The following BLOC1S2 variants were observed in gnomAD, a reference collection of about 807,000 sequenced individuals.
BLOC1S2 encodes biogenesis of lysosome-related organelles complex 1 subunit 2.
In BLOC1S2, 12 loss-of-function variants were observed where a neutral mutation model predicts 19.6. The observed-to-expected ratio is 0.61, with a 90% confidence interval of 0.39 to 0.99. BLOC1S2 has a LOEUF of 0.99. Among genes scored for constraint, BLOC1S2 ranks in the 50% least tolerant of loss-of-function variants. BLOC1S2 has a pLI of 0.00. For missense variants in BLOC1S2, 142 were observed against 171.0 expected (o/e 0.83, Z 0.95); for synonymous variants, 66 against 64.1 (o/e 1.03, Z -0.14).
chr10:100,279,740 G>A (rs894571722), intron 4 of BLOC1S2, among the ~76,000 whole-genome samples: 2 of 152,092 alleles, frequency 1.3e-5, no homozygotes, highest in South Asian at 2.1e-4. Flanking sequence ...AGCCAGGCGT[G>A]GTGGCGCGCC....
At chr10:100,280,322 A>G (rs1848072147) in intron 3 of BLOC1S2, 94 bp from the exon 4 acceptor site, 2 of 1,121,102 alleles carry the variant, frequency 1.8e-6, no homozygotes, top group Admixed American at 2.3e-5. Flanking sequence ...GTGTCTCTCC[A>G]GCTATGCTAA....
In BLOC1S2 at chr10:100,274,917, G is replaced by A. The variant is rs1015974132; in HGVS notation, c.*545C>T. On this transcript the variant is annotated 3_prime_UTR_variant, in exon 5 of 5. Transcript: ENST00000370372. ...CTGCTCAATCTAGAAGACTCAGCTT[G>A]GAATTATTTTAAGATTTTATGTTAT... is the stretch of plus-strand genomic sequence containing the variant. The A allele has an allele frequency of 2.5e-6, 1 of 398,358 alleles. No homozygotes were observed. Among genetic ancestry groups the A allele is most frequent in the African/African-American group, 2.1e-5 (1 of 48,686 alleles). The allele number at this position is 398,358 out of a possible 1,614,324, so 24.7% of individuals were successfully genotyped here. A position where few individuals can be genotyped will look rare whatever the true frequency, so the allele number is the denominator to read the frequency against.
chr10:100,280,843 A>G, intron 3 of BLOC1S2, 91 bp downstream of exon 3: 1 of 1,424,668 alleles, frequency 7.0e-7, no homozygotes, highest in Admixed American at 2.9e-5. Flanking sequence ...CCCACAAGAC[A>G]AGGATGTCAT....
At chr10:100,285,175 C>T (rs563301598) in intron 2 of BLOC1S2, among the ~76,000 whole-genome samples, 1 of 152,294 alleles carries the variant, frequency 6.6e-6, no homozygotes, top group South Asian at 2.1e-4. Context: ...ACAGTAATTT[C>T]CTGGGGAAGT....
In BLOC1S2 at chr10:100,274,547, T is replaced by C. The variant is rs532430368; in HGVS notation, c.*915A>G. The C allele has an allele frequency of 6.3e-6, 1 of 158,496 alleles. No homozygotes were observed. Among genetic ancestry groups the C allele is most frequent in the East Asian group, 1.8e-4 (1 of 5,522 alleles). The allele number at this position is 158,496 out of a possible 1,614,324, so 9.8% of individuals were successfully genotyped here. A position where few individuals can be genotyped will look rare whatever the true frequency, so the allele number is the denominator to read the frequency against. The stretch of plus-strand genomic sequence containing the variant: ...ATGTAATTGGGGACCTCAGACACCT[T>C]CCCAGCTGCTAATGTTGTGTTCTGG... On this transcript the variant is annotated 3_prime_UTR_variant, in exon 5 of 5. Transcript: ENST00000370372.
intron 2 of BLOC1S2, among the ~76,000 whole-genome samples, chr10:100,283,434 C>G (rs1179943603): frequency 6.6e-6 from 1 of 152,140 alleles, no homozygotes; most frequent in Non-Finnish European, 1.5e-5. Flanking sequence ...CTCCTGCCTC[C>G]CAAAGTGCTA....
rs542488887 is a variant in BLOC1S2 at position 100,277,623 on chromosome 10, T to C, written c.398-2130A>G. The stretch of plus-strand genomic sequence containing the variant: ...GGAGGTGGGAGGGGGTCAGCCCCCC[T>C]GCCCAGCCAGCCACCCCGTCCAGGA... On this transcript the variant is annotated intron_variant, in intron 4 of 4. Transcript: ENST00000370372. Among the ~76,000 whole-genome samples the C allele has an allele frequency of 1.2e-4, 13 of 105,078 alleles. 1 individual carries two copies. Among genetic ancestry groups the C allele is most frequent in the South Asian group, 3.5e-4 (1 of 2,890 alleles). The allele number at this position is 105,078 out of a possible 152,430, so 68.9% of individuals were successfully genotyped here.
intron 2 of BLOC1S2, among the ~76,000 whole-genome samples, chr10:100,282,227 T>C (rs1260933635): frequency 6.6e-6 from 1 of 152,260 alleles, no homozygotes. Context: ...TCTATTCTGC[T>C]ACATCTATAT....
rs1847825491 is a variant in BLOC1S2 at position 100,275,391 on chromosome 10, C to T, written c.*71G>A. The stretch of plus-strand genomic sequence containing the variant: ...AGGAATTTTCACAATTCATCAGCCT[C>T]AGGATTCAGGTTTTATAAGACATTC... On this transcript the variant is annotated 3_prime_UTR_variant, in exon 5 of 5. Coordinates refer to ENST00000370372, the MANE Select transcript of BLOC1S2 (RefSeq NM_173809.5). 6.9e-7 allele frequency: 1 copy of T among 1,452,356 alleles called. No homozygotes were observed. Among genetic ancestry groups the T allele is most frequent in the Non-Finnish European group, 9.4e-7 (1 of 1,063,574 alleles). The allele number at this position is 1,452,356 out of a possible 1,614,324, so 90.0% of individuals were successfully genotyped here. A position where few individuals can be genotyped will look rare whatever the true frequency, so the allele number is the denominator to read the frequency against.
At position 100,274,113 on chromosome 10, in the gene BLOC1S2, A is replaced by G. The variant is rs1847793548; in HGVS notation, c.*1349T>C. The G allele has an allele frequency of 6.6e-6, 1 of 152,028 alleles. No homozygotes were observed. Among genetic ancestry groups the G allele is most frequent in the Non-Finnish European group, 1.5e-5 (1 of 68,034 alleles). The allele number at this position is 152,028 out of a possible 1,614,324, so 9.4% of individuals were successfully genotyped here. A position where few individuals can be genotyped will look rare whatever the true frequency, so the allele number is the denominator to read the frequency against. ...TCCATCTGTATAAAAAATAATTAGC[A>G]AGGCATGGTGGAGCGTGCTGGTAGT... On this transcript the variant is annotated 3_prime_UTR_variant, in exon 5 of 5. Coordinates refer to ENST00000370372, the MANE Select transcript of BLOC1S2 (RefSeq NM_173809.5).
intron 3 of BLOC1S2, among the ~76,000 whole-genome samples, chr10:100,280,447 A>G (rs1421931338): frequency 6.6e-6 from 1 of 152,172 alleles, no homozygotes; most frequent in Non-Finnish European, 1.5e-5. Flanking sequence ...CTCATCTACT[A>G]ATTTTCCATT....
intron 4 of BLOC1S2, chr10:100,279,899 A>T: frequency 3.3e-6 from 1 of 302,474 alleles, no homozygotes; most frequent in South Asian, 1.3e-4. Context: ...CAAACCAAAA[A>T]CAAAAACCAA....
At chr10:100,277,954 A>C (rs1847970329) in intron 4 of BLOC1S2, among the ~76,000 whole-genome samples, 1 of 80,928 alleles carries the variant, frequency 1.2e-5, no homozygotes, top group South Asian at 4.6e-4. Context: ...GGCCGCCCCT[A>C]CTGGGAAGTG....
At position 100,275,239 on chromosome 10, in the gene BLOC1S2, A is replaced by G. The variant is rs1229499748; in HGVS notation, c.*223T>C. The G allele has an allele frequency of 4.3e-6, 2 of 467,992 alleles. No individual in the cohort carries two copies. Among genetic ancestry groups the G allele is most frequent in the Admixed American group, 7.3e-5 (2 of 27,464 alleles). 29.0% of individuals were successfully genotyped at this position (467,992 alleles called of 1,614,324 possible). A position where few individuals can be genotyped will look rare whatever the true frequency, so the allele number is the denominator to read the frequency against. ...GAATATGGCAAAGCATTCAAGTAAA[A>G]GGTAGGAAGTTATAAGTGTGAGATT... On this transcript the variant is annotated 3_prime_UTR_variant, in exon 5 of 5. Transcript: ENST00000370372.
rs1223601451 is a variant in BLOC1S2, at chr10:100,280,104, A to G, written c.397+20T>C. ...AAGAAGCAGTCTTTATTACATCAAA[A>G]CAGAAGTAAAAACGGTTACCCAGTT... On this transcript the variant is annotated intron_variant, in intron 4 of 4. Transcript: ENST00000370372. 6.3e-7 allele frequency: 1 copy of G among 1,589,692 alleles called. No homozygotes were observed. Among genetic ancestry groups the G allele is most frequent in the East Asian group, 2.2e-5 (1 of 44,758 alleles).
chr10:100,286,231 G>A lies in BLOC1S2; in HGVS notation c.56-18C>T. On this transcript the variant is annotated intron_variant, in intron 1 of 4. Transcript: ENST00000370372. ...GGCATCGTCTGGGCCAAGGGAGAAT[G>A]ACTAAGTGTCCCGCCTACACCCGGT... is the stretch of plus-strand genomic sequence containing the variant. The A allele has an allele frequency of 6.2e-7, 1 of 1,612,424 alleles. No homozygotes were observed. The highest frequency in any genetic ancestry group is 8.5e-7 in the Non-Finnish European group (1 of 1,179,172).
chr10:100,273,431 C>T lies in BLOC1S2; in HGVS notation c.*2031G>A, dbSNP rs1056873467. On this transcript the variant is annotated 3_prime_UTR_variant, in exon 5 of 5. Transcript: ENST00000370372. ...ATTCTGTATTATCTTTGCAACTTTC[C>T]CGTAAATCTAAATCTATTTTCAAAA... 1.3e-5 allele frequency: 2 copies of T among 152,086 alleles called. No homozygotes were observed. The highest frequency in any genetic ancestry group is 4.8e-5 in the African/African-American group (2 of 41,418). 9.4% of individuals were successfully genotyped at this position (152,086 alleles called of 1,614,324 possible).
chr10:100,283,301 TTTATTA>T lies in BLOC1S2; in HGVS notation c.173-2254_173-2249del, dbSNP rs1848155348. 1.3e-5 allele frequency among the ~76,000 whole-genome samples: 2 copies of T among 152,096 alleles called. 1 individual carries two copies. The highest frequency in any genetic ancestry group is 4.1e-4 in the South Asian group (2 of 4,830). ...CAGATCTTCATTACTTTTCTTTTCT[TTTATTA>T]TTATTAGATTACTTGGAGCATGTAA... On this transcript the variant is annotated intron_variant, in intron 2 of 4. Coordinates refer to ENST00000370372, the MANE Select transcript of BLOC1S2 (RefSeq NM_173809.5).
chr10:100,279,031 G>A (rs1428986395), intron 4 of BLOC1S2, among the ~76,000 whole-genome samples: 2 of 151,848 alleles, frequency 1.3e-5, no homozygotes, highest in African/African-American at 2.4e-5. Context: ...AGGCTACAGC[G>A]AGCTATGATC....
Sources: gnomAD v4.1 joint callset for allele counts (sites outside exome capture counted in the v4.1 genomes callset) on GRCh38, gnomAD v4.1.1 for gene constraint, MANE v1.5 for transcripts, NCBI Gene and HGNC (gene_info 2026-07-23, HGNC 2026-07-21) for gene names.